Variants in LINGO2 observed in about 807,000 individuals in gnomAD.
LINGO2 encodes the protein leucine-rich repeat and immunoglobulin-like domain-containing nogo receptor-interacting protein 2.
Under a neutral mutation model 30.6 loss-of-function variants are expected in LINGO2, and 14 were observed. That is an observed-to-expected ratio of 0.46 (90% CI 0.30 to 0.72). The LOEUF (loss-of-function observed/expected upper bound fraction) is 0.72, where lower values mean the gene tolerates loss of function less well. Among genes scored for constraint, LINGO2 ranks in the 30% least tolerant of loss-of-function variants. The probability of loss-of-function intolerance (pLI) is 0.07; values close to 1 mark genes in which losing one functional copy is unlikely to be tolerated. For missense variants in LINGO2, 729 were observed against 751.7 expected (o/e 0.97, Z 0.35); for synonymous variants, 317 against 288.5 (o/e 1.10, Z -1.00).
chr9:28,941,652 T>C, the LINGO2 span, among the ~76,000 whole-genome samples: 1 of 152,210 alleles, frequency 6.6e-6, no homozygotes, highest in African/African-American at 2.4e-5. Context: ...AGCTATTATA[T>C]GCATTGAATG....
chr9:29,007,015 T>C, the LINGO2 span, among the ~76,000 whole-genome samples: 1 of 152,172 alleles, frequency 6.6e-6, no homozygotes, highest in Non-Finnish European at 1.5e-5. Flanking sequence ...GGTTATACTC[T>C]CTGTAAATGA....
At chr9:28,656,903 C>T (rs568327011) in intron 1 of LINGO2, among the ~76,000 whole-genome samples, 1 of 152,140 alleles carries the variant, frequency 6.6e-6, no homozygotes, top group South Asian at 2.1e-4. Flanking sequence ...TCTCCTAGAT[C>T]GTGCACACTG....
chr9:28,110,394 G>T (rs1437608990), intron 4 of LINGO2, among the ~76,000 whole-genome samples: 1 of 152,148 alleles, frequency 6.6e-6, no homozygotes. Context: ...ATTGACAAAT[G>T]GGATCTAATT....
chr9:28,687,193 T>C, the LINGO2 span, among the ~76,000 whole-genome samples: 5 of 152,086 alleles, frequency 3.3e-5, no homozygotes, highest in Admixed American at 2.0e-4. Flanking sequence ...TCATCTCCTA[T>C]TTATGTATGA....
At chr9:28,525,970 G>A (rs1244191758) in intron 1 of LINGO2, among the ~76,000 whole-genome samples, 1 of 149,184 alleles carries the variant, frequency 6.7e-6, no homozygotes, top group South Asian at 2.1e-4. Flanking sequence ...GCAGAAGAAT[G>A]GCATGAACCC....
chr9:28,406,081 A>G (rs1822500186), intron 2 of LINGO2, among the ~76,000 whole-genome samples: 1 of 152,132 alleles, frequency 6.6e-6, no homozygotes, highest in South Asian at 2.1e-4. Context: ...CTTGTTTTCA[A>G]AATTCCCTTG....
rs564548132 is a variant in LINGO2, at chr9:28,201,104, T to C, written c.-87+94104A>G. Among the ~76,000 whole-genome samples, 515 of 151,852 alleles carry C rather than the reference T, an allele frequency of 3.4e-3. 3 individuals are homozygous for C. Among genetic ancestry groups the C allele is most frequent in the African/African-American group, 0.012 (498 of 41,376 alleles). On this transcript the variant is annotated intron_variant, in intron 4 of 5. Coordinates refer to ENST00000379992, the Ensembl canonical transcript of LINGO2. The stretch of plus-strand genomic sequence containing the variant: ...TTTTTTTTTTTATTATACTTTAAGT[T>C]TTAGGGTACATGTGCACATTGTGCA...
At chr9:28,776,761 C>T in the LINGO2 span, among the ~76,000 whole-genome samples, 1 of 151,628 alleles carries the variant, frequency 6.6e-6, no homozygotes, top group African/African-American at 2.4e-5. Flanking sequence ...TAAGCAATAA[C>T]GATGAGTGAG....
the LINGO2 span, among the ~76,000 whole-genome samples, chr9:28,847,665 A>T: frequency 7.0e-6 from 1 of 143,328 alleles, no homozygotes; most frequent in Non-Finnish European, 1.5e-5. Flanking sequence ...TTATCCTTTC[A>T]ACTTCAAATC....
intron 1 of LINGO2, among the ~76,000 whole-genome samples, chr9:28,489,328 C>A (rs899732527): frequency 6.6e-6 from 1 of 152,052 alleles, no homozygotes; most frequent in Non-Finnish European, 1.5e-5. Context: ...GACCACCACG[C>A]CTGGCTAATT....
intron 1 of LINGO2, among the ~76,000 whole-genome samples, chr9:28,627,553 A>C (rs1826738052): frequency 6.6e-6 from 1 of 152,042 alleles, no homozygotes; most frequent in Admixed American, 6.6e-5. Flanking sequence ...AGATCACTAT[A>C]GGTCTCATCT....
intron 2 of LINGO2, among the ~76,000 whole-genome samples, chr9:28,458,273 G>C (rs1333188241): frequency 1.3e-5 from 2 of 152,158 alleles, no homozygotes; most frequent in African/African-American, 4.8e-5. Flanking sequence ...GATTTCTGCA[G>C]CTGGATTATA....
the LINGO2 span, among the ~76,000 whole-genome samples, chr9:28,992,731 C>T: frequency 1.3e-5 from 2 of 152,118 alleles, no homozygotes; most frequent in African/African-American, 2.4e-5. Context: ...CACTCAACTA[C>T]ATGGAAACTG....
chr9:28,293,516 T>C (rs923739191), intron 4 of LINGO2, among the ~76,000 whole-genome samples: 5 of 152,204 alleles, frequency 3.3e-5, no homozygotes, highest in African/African-American at 9.6e-5. Context: ...ACAGTTTATC[T>C]TGGTAAATAT....
chr9:28,790,317 TTTTC>T, the LINGO2 span, among the ~76,000 whole-genome samples: 3 of 139,536 alleles, frequency 2.1e-5, no homozygotes, highest in Non-Finnish European at 3.0e-5. Flanking sequence ...CCATCTTTTC[TTTTC>T]TTTCTTTTTT....
the LINGO2 span, among the ~76,000 whole-genome samples, chr9:29,026,083 G>A: frequency 2.0e-5 from 3 of 151,584 alleles, no homozygotes; most frequent in African/African-American, 7.3e-5. Flanking sequence ...TCCCAGTCTG[G>A]AGTGCAGTGG....
chr9:28,306,858 A>G (rs1288165524), intron 3 of LINGO2, among the ~76,000 whole-genome samples: 2 of 152,236 alleles, frequency 1.3e-5, no homozygotes, highest in Admixed American at 6.5e-5. Flanking sequence ...TGACACATAC[A>G]CCTTCCCAAG....
the LINGO2 span, among the ~76,000 whole-genome samples, chr9:28,855,420 C>T: frequency 6.6e-6 from 1 of 151,944 alleles, no homozygotes; most frequent in African/African-American, 2.4e-5. Context: ...GTGTATTTTG[C>T]TTTTATCATC....
chr9:29,201,047 G>T, the LINGO2 span, among the ~76,000 whole-genome samples: 2 of 151,952 alleles, frequency 1.3e-5, no homozygotes, highest in African/African-American at 4.8e-5. Flanking sequence ...TTGGTCACTT[G>T]GTTGAGGTCA....
Sources: allele counts gnomAD v4.1 joint callset (sites outside exome capture counted in the v4.1 genomes callset), GRCh38; gene constraint gnomAD v4.1.1; transcripts MANE v1.5; gene names NCBI Gene and HGNC (gene_info 2026-07-23, HGNC 2026-07-21).